The following DIAPH2 variants were observed in gnomAD, a reference collection of about 807,000 sequenced individuals.
DIAPH2 encodes diaphanous related formin 2, also known as protein diaphanous homolog 2.
In DIAPH2, 35 loss-of-function variants were observed where a neutral mutation model predicts 92.7. The observed-to-expected ratio is 0.38, with a 90% confidence interval of 0.29 to 0.50. The LOEUF is 0.50. DIAPH2 is among the 20% of genes least tolerant of loss of function. The pLI, the probability that DIAPH2 is intolerant of heterozygous loss-of-function variation, is 0.94. For synonymous variants in DIAPH2, 301 were observed against 280.4 expected (o/e 1.07, Z -0.73); for missense variants, 701 against 819.5 (o/e 0.86, Z 1.77).
chrX:97,347,987 A>G, intron 23 of DIAPH2, 129 bp from the exon 24 acceptor site: 1 of 642,869 alleles, frequency 1.6e-6, no homozygotes, highest in South Asian at 3.0e-5. Flanking sequence ...AGCCCTAACA[A>G]ACTAATACAC....
intron 4 of DIAPH2, among the ~76,000 whole-genome samples, chrX:96,761,464 T>C (rs2064268308): frequency 9.1e-6 from 1 of 110,249 alleles, no homozygotes; most frequent in African/African-American, 3.3e-5. Context: ...TCTATATGTG[T>C]ATGTGTATAC....
chrX:96,995,920 T>C (rs777731200), intron 17 of DIAPH2, among the ~76,000 whole-genome samples: 3 of 109,967 alleles, frequency 2.7e-5, no homozygotes, highest in Non-Finnish European at 3.8e-5. Context: ...TCAAAGCAGA[T>C]AGTCCTATTT....
At chrX:97,169,052 G>T (rs1357652598) in intron 22 of DIAPH2, among the ~76,000 whole-genome samples, 1 of 111,774 alleles carries the variant, frequency 8.9e-6, no homozygotes, top group Non-Finnish European at 1.9e-5. Context: ...TTGGAATTTT[G>T]ACAGGACATT....
chrX:97,247,659 A>G, intron 22 of DIAPH2, 56 bp from the exon 23 acceptor site: 1 of 1,093,606 alleles, frequency 9.1e-7, no homozygotes, highest in Non-Finnish European at 1.2e-6. Flanking sequence ...CTCCTTTTAG[A>G]TGTTTTGTGG....
At chrX:97,218,282 G>T (rs1239554473) in intron 22 of DIAPH2, among the ~76,000 whole-genome samples, 1 of 110,371 alleles carries the variant, frequency 9.1e-6, no homozygotes, top group Non-Finnish European at 1.9e-5. Context: ...TAGAGACAGG[G>T]TTTCACCATG....
At chrX:97,462,742 C>A (rs2070470278) in intron 26 of DIAPH2, among the ~76,000 whole-genome samples, 1 of 110,502 alleles carries the variant, frequency 9.0e-6, no homozygotes, top group African/African-American at 3.3e-5. Context: ...AAGACCTGTG[C>A]CATTTAGTTC....
chrX:97,243,377 A>G (rs939003853), intron 22 of DIAPH2, among the ~76,000 whole-genome samples: 5 of 109,834 alleles, frequency 4.6e-5, no homozygotes, highest in Non-Finnish European at 7.6e-5. Context: ...AACTTAGGCT[A>G]TGTTTTGCAG....
chrX:97,126,659 A>G (rs1259460463), intron 21 of DIAPH2, among the ~76,000 whole-genome samples: 2 of 112,363 alleles, frequency 1.8e-5, no homozygotes, highest in Non-Finnish European at 3.8e-5. Flanking sequence ...TGGATTTTAT[A>G]TAATAGCACA....
intron 19 of DIAPH2, among the ~76,000 whole-genome samples, chrX:97,093,207 AAGAG>A (rs764194301): frequency 9.5e-5 from 9 of 94,679 alleles, no homozygotes; most frequent in East Asian, 4.1e-4. Flanking sequence ...GAAAGAACGA[AAGAG>A]AGAGAGAGAG....
intron 26 of DIAPH2, among the ~76,000 whole-genome samples, chrX:97,538,509 T>C (rs1173034996): frequency 8.9e-6 from 1 of 111,915 alleles, no homozygotes; most frequent in Non-Finnish European, 1.9e-5. Flanking sequence ...ACAGGATTTA[T>C]ATGTAAGAGA....
chrX:97,304,291 G>A (rs908691514), intron 23 of DIAPH2, among the ~76,000 whole-genome samples: 1 of 111,904 alleles, frequency 8.9e-6, no homozygotes, highest in African/African-American at 3.2e-5. Context: ...GTTTGTAAAC[G>A]TATCATTTGC....
chrX:97,597,935 C>CT (rs2071565232), intron 26 of DIAPH2, among the ~76,000 whole-genome samples: 1 of 111,381 alleles, frequency 9.0e-6, no homozygotes, highest in African/African-American at 3.3e-5. Flanking sequence ...ACTCAGTATG[C>CT]TTTAAGTTTA....
At chrX:97,400,076 T>C (rs1389943487) in intron 25 of DIAPH2, among the ~76,000 whole-genome samples, 1 of 112,542 alleles carries the variant, frequency 8.9e-6, no homozygotes, top group Non-Finnish European at 1.9e-5. Context: ...TGAATATTCA[T>C]AGGTGTTTTG....
chrX:97,242,054 G>A (rs186013121), intron 22 of DIAPH2, among the ~76,000 whole-genome samples: 151 of 111,393 alleles, frequency 1.4e-3, no homozygotes, highest in African/African-American at 4.8e-3. Flanking sequence ...GATAACAGGC[G>A]TGAGCCGCCA....
intron 22 of DIAPH2, among the ~76,000 whole-genome samples, chrX:97,185,357 G>GTATA (rs1555998093): frequency 1.0e-4 from 2 of 19,629 alleles, no homozygotes; most frequent in Non-Finnish European, 1.5e-4. Context: ...ATATATGTGT[G>GTATA]TATATATATA....
At position 97,362,418 on chromosome X, in the gene DIAPH2, TTAAA is replaced by T. The variant is rs1160892198; in HGVS notation, c.3009+14141_3009+14144del. On this transcript the variant is annotated intron_variant, in intron 24 of 26. Coordinates refer to ENST00000324765, the MANE Select transcript of DIAPH2 (RefSeq NM_006729.5). ...CTGTGAAATATACACTTGTGTTCAA[TTAAA>T]TAGTTTTTAAAAATCTTAGAAAACA... 2.7e-5 allele frequency among the ~76,000 whole-genome samples: 3 copies of T among 112,257 alleles called. 1 individual carries two copies. The Admixed American group carries it at 2.8e-4, about 11-fold the overall frequency.
chrX:97,389,444 C>G (rs1217101924), intron 25 of DIAPH2, among the ~76,000 whole-genome samples: 1 of 94,753 alleles, frequency 1.1e-5, no homozygotes, highest in African/African-American at 4.1e-5. Context: ...CCAGCCTGGG[C>G]TACAGAGCGA....
intron 26 of DIAPH2, among the ~76,000 whole-genome samples, chrX:97,553,460 C>A (rs1310381560): frequency 1.8e-5 from 2 of 110,435 alleles, no homozygotes; most frequent in Non-Finnish European, 3.8e-5. Flanking sequence ...TCTAATACCC[C>A]CTTAATTACA....
chrX:97,226,195 G>T (rs909119626), intron 22 of DIAPH2, among the ~76,000 whole-genome samples: 1 of 111,311 alleles, frequency 9.0e-6, no homozygotes, highest in Non-Finnish European at 1.9e-5. Flanking sequence ...AGACTTGGAA[G>T]TCTGTAGTTG....
Sources: allele counts gnomAD v4.1 joint callset (sites outside exome capture counted in the v4.1 genomes callset), GRCh38; gene constraint gnomAD v4.1.1; transcripts MANE v1.5; gene names NCBI Gene and HGNC (gene_info 2026-07-23, HGNC 2026-07-21).